PDCD11: variants seen among roughly 807,000 people sequenced by gnomAD.
PDCD11 encodes the protein programmed cell death 11.
A neutral mutation model predicts 198.9 loss-of-function variants in PDCD11; 97 were observed. That is an observed-to-expected ratio of 0.49 (90% confidence interval 0.41 to 0.58). The LOEUF (loss-of-function observed/expected upper bound fraction) is 0.58, where lower values mean the gene tolerates loss of function less well. Ranked by LOEUF, PDCD11 falls within the 20% of genes least tolerant of loss-of-function variation. PDCD11 has a pLI of 0.00. For synonymous variants in PDCD11, 893 were observed against 918.0 expected, an observed-to-expected ratio of 0.97 and a Z score of 0.49; for missense variants, 2,102 against 2,312.7, an observed-to-expected ratio of 0.91 and a Z score of 1.87.
Position 103,416,688 on chromosome 10 carries a change from T to G in PDCD11, c.1716T>G (p.His572Gln), listed in dbSNP as rs1183941181. ...ATGTGCAGGGACTGGTGCCCAAGCATGAGCTCAGTACTGAGTATATCCCTG... is the reference window on the plus strand; with the variant it reads ...ATGTGCAGGGACTGGTGCCCAAGCAGGAGCTCAGTACTGAGTATATCCCTG... ...YNNVQGLVPK[H>Q]ELSTEYIPDP... Residue 572 changes from histidine (H) to glutamine (Q), a missense_variant, in exon 13 of 36, where the codon CAT becomes CAG. Physicochemically the swap from His to Gln is conservative, Grantham distance 24. Coordinates refer to ENST00000369797, the MANE Select transcript of PDCD11 (RefSeq NM_014976.2). 2 of 1,614,226 alleles carry G rather than the reference T, an allele frequency of 1.2e-6. No homozygotes were observed. Among genetic ancestry groups the G allele is most frequent in the Admixed American group, 1.7e-5 (1 of 60,032 alleles).
At chr10:103,418,985 CT>C (rs111594350) in intron 15 of PDCD11, among the ~76,000 whole-genome samples, 3,907 of 147,466 alleles carry the variant, frequency 0.026, 160 homozygotes, top group African/African-American at 0.091. Flanking sequence ...CCCCTTTCCT[CT>C]TTTTTTTTTT....
chr10:103,440,750 A>G lies in PDCD11; in HGVS notation c.4457A>G (p.Lys1486Arg), dbSNP rs370577639. The G allele has an allele frequency of 6.8e-6, 11 of 1,614,162 alleles. No homozygotes were observed. The highest frequency in any genetic ancestry group is 7.6e-6 in the Non-Finnish European group (9 of 1,180,022). Reference protein sequence around the residue: ...SGSEQERVSKKPKKAGLSEED... With the variant: ...SGSEQERVSKRPKKAGLSEED... ...GCCTCTCAGGAAAGAGTGAGCAAGA[A>G]GCCAAAGAAAGCCGGCCTGTCAGAG... Residue 1486 changes from lysine (K) to arginine (R), a missense_variant, in exon 30 of 36, where the codon AAG becomes AGG. By Grantham distance (26) the Lys-to-Arg change is conservative. Transcript: ENST00000369797.
At position 103,411,227 on chromosome 10, in the gene PDCD11, T is replaced by TA. The variant is rs2030786366; in HGVS notation, c.978+1424dup. On this transcript the variant is annotated intron_variant, in intron 8 of 35. Coordinates refer to ENST00000369797, the MANE Select transcript of PDCD11 (RefSeq NM_014976.2). ...CCACAACCCTGGCTCCGCTCGTATT[T>TA]AAATATTCAAATTTCCTACAATGAA... 2.0e-5 allele frequency among the ~76,000 whole-genome samples: 3 copies of TA among 152,316 alleles called. No individual in the cohort carries two copies. The East Asian group carries it at 5.8e-4, about 29-fold the overall frequency.
rs1466614837 is a variant in PDCD11, at chr10:103,406,052, C to T, written c.632C>T (p.Thr211Ile). 1.9e-6 allele frequency: 3 copies of T among 1,613,978 alleles called. No individual in the cohort carries two copies. The highest frequency in any genetic ancestry group is 2.7e-5 in the African/African-American group (2 of 74,898). ...GYLVDIGVDG[T>I]RAFLPLLKAQ... ...CTAGTGGACATTGGTGTTGATGGGA[C>T]CAGAGCTTTTCTGCCACTGCTGAAA... The change falls in exon 6 of 36, where the codon ACC becomes ATC. Residue 211 changes from threonine (T) to isoleucine (I), a missense_variant. Physicochemically the swap from Thr to Ile is moderately conservative, Grantham distance 89 (BLOSUM62 -1). Transcript: ENST00000369797.
Position 103,406,614 on chromosome 10 carries a change from A to G in PDCD11, c.694A>G (p.Lys232Glu), listed in dbSNP as rs2030467295. The G allele has an allele frequency of 1.9e-6, 3 of 1,613,736 alleles. No individual in the cohort carries two copies. The South Asian group carries it at 3.3e-5, about 18-fold the overall frequency. ...GCCTGGGTCTGGGCTTACAGGTGCT[A>G]AACTAAAGGTGGGTCAGTACCTGAA... ...EYIRQKNKGAKLKVGQYLNCI... is the reference protein window; with the variant it reads ...EYIRQKNKGAELKVGQYLNCI... Residue 232 changes from lysine to glutamate, a missense_variant, in exon 7 of 36, where the codon AAA (lysine) becomes GAA (glutamate). Coordinates refer to ENST00000369797, the MANE Select transcript of PDCD11 (RefSeq NM_014976.2).
At chr10:103,419,817 T>A in intron 16 of PDCD11, 109 bp downstream of exon 16, 1 of 947,612 alleles carries the variant, frequency 1.1e-6, no homozygotes, top group Non-Finnish European at 1.5e-6. Flanking sequence ...TTTGAGACAG[T>A]CTTGTTCTGT....
intron 30 of PDCD11, among the ~76,000 whole-genome samples, chr10:103,441,181 G>A (rs1319169395): frequency 1.3e-5 from 2 of 152,148 alleles, no homozygotes; most frequent in South Asian, 2.1e-4. Context: ...GTATGGGATG[G>A]CTTATAACCA....
intron 34 of PDCD11, 193 bp downstream of exon 34, chr10:103,444,261 C>G (rs1215532542): frequency 4.7e-6 from 3 of 635,900 alleles, no homozygotes; most frequent in African/African-American, 3.7e-5. Context: ...GATGGAGGAA[C>G]AAAACGCAGT....
In PDCD11 at chr10:103,434,304, T is replaced by C. The variant is rs2032057480; in HGVS notation, c.3621T>C (p.Val1207=). 1 of 1,613,686 alleles carries C rather than the reference T, an allele frequency of 6.2e-7. No individual in the cohort carries two copies. The highest frequency in any genetic ancestry group is 8.5e-7 in the Non-Finnish European group (1 of 1,179,552). The change falls in exon 24 of 36, where the codon GTT becomes GTC. Residue 1207 remains valine (V), a synonymous_variant. Coordinates refer to ENST00000369797, the MANE Select transcript of PDCD11 (RefSeq NM_014976.2). ...TTGGCCAGGCCCTGAGGGCCACCGT[T>C]GTTGGCCCAGATTCCTCCAAGACCC... The part of the protein sequence containing the change: ...FRVGQALRAT[V]VGPDSSKTLL...
In PDCD11 at chr10:103,403,171, G is replaced by A. The variant is rs140523371; in HGVS notation, c.288G>A (p.Leu96=). Residue 96 remains leucine (L), a synonymous_variant, in exon 4 of 36, where the codon CTG becomes CTA. Coordinates refer to ENST00000369797, the MANE Select transcript of PDCD11 (RefSeq NM_014976.2). ...GTTGCGTGAAAGAGGTGAATGAACTGGAACTGGTGATTAGTCTCCCCAATG... is the reference window on the plus strand; with the variant it reads ...GTTGCGTGAAAGAGGTGAATGAACTAGAACTGGTGATTAGTCTCCCCAATG... ...ILGCVKEVNE[L]ELVISLPNGL... 14 of 1,614,018 alleles carry A rather than the reference G, an allele frequency of 8.7e-6. No homozygotes were observed. Among genetic ancestry groups the A allele is most frequent in the African/African-American group, 8.0e-5 (6 of 74,924 alleles).
In PDCD11 at chr10:103,413,327, G is replaced by A. The variant is rs1271327741; in HGVS notation, c.1185+5G>A. The A allele has an allele frequency of 9.3e-6, 15 of 1,612,510 alleles. No individual in the cohort carries two copies. The highest frequency in any genetic ancestry group is 1.3e-5 in the Non-Finnish European group (15 of 1,178,666). On this transcript the variant is annotated splice_donor_5th_base_variant and intron_variant, in intron 9 of 35. Coordinates refer to ENST00000369797, the MANE Select transcript of PDCD11 (RefSeq NM_014976.2). ...GGGGTTCTGGCCTATGCCCGGGTAAGGAGGCCTCTTTGTTTGGTCAGGGAT... is the reference window on the plus strand; with the variant it reads ...GGGGTTCTGGCCTATGCCCGGGTAAAGAGGCCTCTTTGTTTGGTCAGGGAT...
chr10:103,431,086 C>T (rs750405248), intron 21 of PDCD11, among the ~76,000 whole-genome samples: 1 of 152,010 alleles, frequency 6.6e-6, no homozygotes, highest in Non-Finnish European at 1.5e-5. Flanking sequence ...TCTTACTTTA[C>T]TAGATAGGAA....
At position 103,416,810 on chromosome 10, in the gene PDCD11, G is replaced by A. The variant is rs1389578248; in HGVS notation, c.1770+68G>A. 3 of 1,550,480 alleles carry A rather than the reference G, an allele frequency of 1.9e-6. No individual in the cohort carries two copies. In the African/African-American group the frequency reaches 4.1e-5, roughly 21 times the overall value. The stretch of plus-strand genomic sequence containing the variant: ...CCACAAACACAAATATGAAGGAGCA[G>A]TAAGTAGTGGGGCTGCCTTTAGGAG... On this transcript the variant is annotated intron_variant, in intron 13 of 35. Transcript: ENST00000369797.
chr10:103,408,058 A>G (rs919339212), intron 7 of PDCD11, among the ~76,000 whole-genome samples: 26 of 152,224 alleles, frequency 1.7e-4, no homozygotes, highest in Admixed American at 1.4e-3. Context: ...TGGAGTTGGC[A>G]GTCAGCTTTG....
chr10:103,434,713 C>T, intron 24 of PDCD11, 85 bp from the exon 25 acceptor site: 1 of 1,189,790 alleles, frequency 8.4e-7, no homozygotes, highest in Non-Finnish European at 1.2e-6. Flanking sequence ...CAGCCTCCAC[C>T]TTCCCCAGCC....
chr10:103,440,235 G>C, intron 28 of PDCD11, 55 bp from the exon 29 acceptor site: 2 of 1,556,714 alleles, frequency 1.3e-6, no homozygotes, highest in South Asian at 1.3e-5. Flanking sequence ...TGGGCCGCCT[G>C]TGGTGCCCTC....
chr10:103,443,095 G>A, intron 32 of PDCD11, 70 bp from the exon 33 acceptor site: 1 of 1,394,440 alleles, frequency 7.2e-7, no homozygotes, highest in Non-Finnish European at 9.7e-7. Context: ...TGGTTCCTGA[G>A]TCTGTCTGGA....
In PDCD11 at chr10:103,427,222, G is replaced by A. The variant is rs532601977; in HGVS notation, c.3306-107G>A. ...CAGTGGTGGTGTGACAGTGGAACAG[G>A]GTGCTTTTGTGAGCTTGGTTTGGTG... On this transcript the variant is annotated intron_variant, in intron 20 of 35. Coordinates refer to ENST00000369797, the MANE Select transcript of PDCD11 (RefSeq NM_014976.2). The A allele has an allele frequency of 5.5e-6, 5 of 909,616 alleles. No individual in the cohort carries two copies. The Admixed American group carries it at 6.9e-5, about 13-fold the overall frequency. The allele number at this position is 909,616 out of a possible 1,614,324, so 56.3% of individuals were successfully genotyped here. A position where few individuals can be genotyped will look rare whatever the true frequency, so the allele number is the denominator to read the frequency against.
Position 103,426,711 on chromosome 10 carries a change from A to G in PDCD11, c.3306-618A>G, listed in dbSNP as rs554685604. Among the ~76,000 whole-genome samples the G allele has an allele frequency of 1.6e-3, 241 of 151,968 alleles. 2 individuals carry two copies. The highest frequency in any genetic ancestry group is 5.5e-3 in the African/African-American group (227 of 41,480). ...TGAGGCAGGAGAATCACTTGAACTC[A>G]GGAGGCAGAGGTTGCAGTGAGCTGA... On this transcript the variant is annotated intron_variant, in intron 20 of 35. Coordinates refer to ENST00000369797, the MANE Select transcript of PDCD11 (RefSeq NM_014976.2).
Sources: gnomAD v4.1 joint callset for allele counts (sites outside exome capture counted in the v4.1 genomes callset) on GRCh38, gnomAD v4.1.1 for gene constraint, MANE v1.5 for transcripts, NCBI Gene and HGNC (gene_info 2026-07-23, HGNC 2026-07-21) for gene names.